ALKBH1: variants seen among roughly 807,000 people sequenced by gnomAD.
ALKBH1 encodes the protein nucleic acid dioxygenase ALKBH1.
Under a neutral mutation model 36.6 loss-of-function variants are expected in ALKBH1, and 31 were observed. The ratio of observed to expected loss-of-function variants is 0.85; its 90% CI spans 0.64 to 1.14. ALKBH1 has a LOEUF of 1.14. Among genes scored for constraint, ALKBH1 ranks in the 50% most tolerant of loss-of-function variants. The pLI is 0.00. For missense variants in ALKBH1, 490 were observed against 497.3 expected, an observed-to-expected ratio of 0.99 and a Z score of 0.14; for synonymous variants, 183 against 186.6, an observed-to-expected ratio of 0.98 and a Z score of 0.16.
chr14:77,701,003 G>A (rs1170842037), intron 2 of ALKBH1, among the ~76,000 whole-genome samples: 2 of 152,196 alleles, frequency 1.3e-5, no homozygotes, highest in Non-Finnish European at 2.9e-5. Flanking sequence ...GCTGAGGTGG[G>A]AGGAACCTTT....
intron 2 of ALKBH1, among the ~76,000 whole-genome samples, chr14:77,697,697 T>TAAAA (rs57516221): frequency 9.5e-4 from 99 of 104,590 alleles, no homozygotes; most frequent in Admixed American, 1.2e-3. Flanking sequence ...TTTGCTGTAA[T>TAAAA]AAAAAAAAAA....
intron 2 of ALKBH1, among the ~76,000 whole-genome samples, chr14:77,697,887 C>T (rs938264906): frequency 3.3e-5 from 5 of 151,824 alleles, no homozygotes; most frequent in African/African-American, 9.7e-5. Context: ...GTGGCATACG[C>T]AGGTAGTCCC....
At chr14:77,705,918 G>A (rs2080386986) in intron 1 of ALKBH1, among the ~76,000 whole-genome samples, 1 of 152,098 alleles carries the variant, frequency 6.6e-6, no homozygotes, top group Non-Finnish European at 1.5e-5. Flanking sequence ...AGCCAGGCAT[G>A]GTGGCGCGTG....
rs755162441 is a variant in ALKBH1 at position 77,694,913 on chromosome 14, T to C, written c.293-13A>G. On this transcript the variant is annotated splice_polypyrimidine_tract_variant and intron_variant, in intron 2 of 5. Coordinates refer to ENST00000216489, the MANE Select transcript of ALKBH1 (RefSeq NM_006020.3). The stretch of plus-strand genomic sequence containing the variant: ...ATAAAAATAAACCCTATACAAAAGA[T>C]GGGTGGGAAAAAAAGAAGAGGGGGA... 9 of 1,480,634 alleles carry C rather than the reference T, an allele frequency of 6.1e-6. No individual in the cohort carries two copies. In the Admixed American group the frequency reaches 1.0e-4, roughly 17 times the overall value. 91.7% of individuals were successfully genotyped at this position (1,480,634 alleles called of 1,614,324 possible). A position where few individuals can be genotyped will look rare whatever the true frequency, so the allele number is the denominator to read the frequency against.
At chr14:77,702,886 G>T (rs140695672) in intron 2 of ALKBH1, among the ~76,000 whole-genome samples, 1,578 of 152,174 alleles carry the variant, frequency 0.01, 32 homozygotes, top group African/African-American at 0.036. Flanking sequence ...CAGGTGAGGT[G>T]TCTCACGCCT....
chr14:77,680,677 C>CTCTTTTTTTTTTTTT (rs774703181), intron 3 of ALKBH1, among the ~76,000 whole-genome samples: 2 of 124,346 alleles, frequency 1.6e-5, no homozygotes, highest in African/African-American at 3.2e-5. Flanking sequence ...ATTAACTACT[C>CTCTTTTTTTTTTTTT]TTTTTTTTTT....
chr14:77,687,765 C>A (rs181846513), intron 3 of ALKBH1, among the ~76,000 whole-genome samples: 35 of 152,168 alleles, frequency 2.3e-4, no homozygotes, highest in Middle Eastern at 6.8e-3. Context: ...TCTTTTCCTG[C>A]TCTATTTTCT....
At chr14:77,695,990 G>T (rs2080324890) in intron 2 of ALKBH1, among the ~76,000 whole-genome samples, 2 of 152,054 alleles carry the variant, frequency 1.3e-5, no homozygotes, top group Admixed American at 1.3e-4. Flanking sequence ...TACTCAGGAG[G>T]CTGAGGCAGG....
At chr14:77,681,755 T>C (rs1892789339) in intron 3 of ALKBH1, among the ~76,000 whole-genome samples, 1 of 152,192 alleles carries the variant, frequency 6.6e-6, no homozygotes, top group Admixed American at 6.5e-5. Flanking sequence ...AACACCTGCT[T>C]TGCTTCTGGG....
chr14:77,690,975 A>G (rs1187476429), intron 3 of ALKBH1, among the ~76,000 whole-genome samples: 2 of 151,966 alleles, frequency 1.3e-5, no homozygotes, highest in Non-Finnish European at 2.9e-5. Flanking sequence ...CTAATTTTGT[A>G]TTTTTAGTAG....
At chr14:77,688,647 GGTTCAAGCGATTCTCCCAC>G (rs1158314715) in intron 3 of ALKBH1, among the ~76,000 whole-genome samples, 2 of 151,074 alleles carry the variant, frequency 1.3e-5, no homozygotes, top group African/African-American at 2.4e-5. Context: ...CCACCTGCCG[GGTTCAAGCGATTCTCCCAC>G]GTTCAAGCGA....
At chr14:77,693,336 AC>A (rs1216271977) in intron 3 of ALKBH1, among the ~76,000 whole-genome samples, 2 of 152,040 alleles carry the variant, frequency 1.3e-5, no homozygotes, top group African/African-American at 4.8e-5. Flanking sequence ...GGCATGAGCC[AC>A]CAAGCCCAGA....
At chr14:77,685,448 CAAAA>C (rs1286787363) in intron 3 of ALKBH1, among the ~76,000 whole-genome samples, 2 of 128,636 alleles carry the variant, frequency 1.6e-5, no homozygotes, top group Non-Finnish European at 3.3e-5. Flanking sequence ...AAAAAAAACA[CAAAA>C]AAAAACAAGG....
In ALKBH1 at chr14:77,694,871, G is replaced by A; in HGVS notation, c.322C>T (p.Pro108Ser). ...GFIFIPNPFL[P>S]GYQWHWVKQC... ...TTCACCCAGTGCCACTGGTAACCTG[G>A]GAGGAAGGGGTTTGGGATAAAAATA... The change falls in exon 3 of 6, where the codon CCA becomes TCA. Residue 108 changes from proline to serine, a missense_variant. Physicochemically the swap from Pro to Ser is moderately conservative, Grantham distance 74. Transcript: ENST00000216489. 6.4e-7 allele frequency: 1 copy of A among 1,570,624 alleles called. No individual in the cohort carries two copies. The highest frequency in any genetic ancestry group is 1.4e-5 in the African/African-American group (1 of 73,232).
chr14:77,697,577 G>A (rs569929328), intron 2 of ALKBH1, among the ~76,000 whole-genome samples: 1 of 151,862 alleles, frequency 6.6e-6, no homozygotes, highest in South Asian at 2.1e-4. Flanking sequence ...ACAACCGGGA[G>A]ACTCTGGCCA....
Position 77,704,420 on chromosome 14 carries a change from CT to C in ALKBH1, c.240del (p.Gly81ValfsTer35). On this transcript the variant is annotated frameshift_variant, in exon 2 of 6. Coordinates refer to ENST00000216489, the MANE Select transcript of ALKBH1 (RefSeq NM_006020.3). LOFTEE classifies it high-confidence loss of function. ...TGCCACTTGCTGACGGGCTGAAGAC[CT>C]GCTCTATATGCATTCTGCTCACTGA... ...SSVSEQNAYR[A>X]GLQPVSKWQA... 1 of 1,614,188 alleles carries C rather than the reference CT, an allele frequency of 6.2e-7. No individual in the cohort carries two copies.
intron 4 of ALKBH1, among the ~76,000 whole-genome samples, chr14:77,676,309 T>C (rs2080205604): frequency 6.6e-6 from 1 of 152,154 alleles, no homozygotes; most frequent in South Asian, 2.1e-4. Context: ...GGGTATCTAA[T>C]GATCTAATAA....
chr14:77,682,854 G>A lies in ALKBH1; in HGVS notation c.456-2884C>T, dbSNP rs141587486. 5.5e-3 allele frequency among the ~76,000 whole-genome samples: 836 copies of A among 152,074 alleles called. 7 individuals are homozygous for A. The highest frequency in any genetic ancestry group is 0.019 in the African/African-American group (800 of 41,474). On this transcript the variant is annotated intron_variant, in intron 3 of 5. Coordinates refer to ENST00000216489, the MANE Select transcript of ALKBH1 (RefSeq NM_006020.3). ...CTGTGATTACAGAATGCACCACCAC[G>A]CCTGGCTAATTTTTGTATTTTTTGT... is the stretch of plus-strand genomic sequence containing the variant.
intron 2 of ALKBH1, among the ~76,000 whole-genome samples, chr14:77,695,535 T>C (rs1407413000): frequency 6.6e-6 from 1 of 152,192 alleles, no homozygotes; most frequent in African/African-American, 2.4e-5. Flanking sequence ...CCTCATTATG[T>C]CCTCTCCTCA....
Sources: gnomAD v4.1 joint callset for allele counts (sites outside exome capture counted in the v4.1 genomes callset) on GRCh38, gnomAD v4.1.1 for gene constraint, MANE v1.5 for transcripts, NCBI Gene and HGNC (gene_info 2026-07-23, HGNC 2026-07-21) for gene names.